The following NOX4 variants were observed in gnomAD, a reference collection of about 807,000 sequenced individuals.
NOX4 encodes the protein kidney oxidase-1.
A neutral mutation model predicts 87.6 loss-of-function variants in NOX4; 69 were observed. That is an observed-to-expected ratio of 0.79 (90% CI 0.65 to 0.96). NOX4 has a LOEUF of 0.96. NOX4 is among the 40% of genes least tolerant of loss of function. The probability of loss-of-function intolerance (pLI) is 0.00; values close to 1 mark genes in which losing one functional copy is unlikely to be tolerated. For synonymous variants in NOX4, 275 were observed against 238.2 expected (o/e 1.15, Z -1.42); for missense variants, 680 against 681.5 (o/e 1.00, Z 0.02).
At chr11:89,482,774 A>G (rs918618896) in intron 2 of NOX4, among the ~76,000 whole-genome samples, 3 of 152,138 alleles carry the variant, frequency 2.0e-5, no homozygotes, top group Non-Finnish European at 4.4e-5. Context: ...TAACAGATAC[A>G]AAAAGCACAC....
intron 8 of NOX4, among the ~76,000 whole-genome samples, chr11:89,418,909 T>C (rs1357640571): frequency 1.3e-5 from 2 of 151,996 alleles, no homozygotes; most frequent in African/African-American, 2.4e-5. Flanking sequence ...ACTGTAAAAG[T>C]CTGCTTAGGT....
At chr11:89,543,225 T>C in the NOX4 span, among the ~76,000 whole-genome samples, 4 of 152,040 alleles carry the variant, frequency 2.6e-5, no homozygotes, top group African/African-American at 9.7e-5. Context: ...AAAGAAAAAA[T>C]AAATAAGCAA....
At chr11:89,583,683 A>G in the NOX4 span, among the ~76,000 whole-genome samples, 1 of 152,064 alleles carries the variant, frequency 6.6e-6, no homozygotes, top group African/African-American at 2.4e-5. Context: ...AATGGGAAAA[A>G]CTTCTGTCAT....
Position 89,376,145 on chromosome 11 carries a change from G to A in NOX4, c.1075-2653C>T, listed in dbSNP as rs190144463. The stretch of plus-strand genomic sequence containing the variant: ...TTCGAATGCTAATCTGGTTTTGAAC[G>A]GATAAAACAAAATATTGTTTCTCTC... On this transcript the variant is annotated intron_variant, in intron 11 of 17. Coordinates refer to ENST00000263317, the MANE Select transcript of NOX4 (RefSeq NM_016931.5). Among the ~76,000 whole-genome samples the A allele has an allele frequency of 4.1e-3, 620 of 152,170 alleles. 1 individual carries two copies. Among genetic ancestry groups the A allele is most frequent in the African/African-American group, 0.013 (529 of 41,500 alleles).
the NOX4 span, among the ~76,000 whole-genome samples, chr11:89,530,945 TATTG>T: frequency 6.6e-6 from 1 of 152,160 alleles, no homozygotes; most frequent in African/African-American, 2.4e-5. Flanking sequence ...CCTCCTGAGT[TATTG>T]ATTATTTCTA....
chr11:89,336,614 G>A (rs1342820522), intron 16 of NOX4, among the ~76,000 whole-genome samples: 1 of 151,928 alleles, frequency 6.6e-6, no homozygotes, highest in Non-Finnish European at 1.5e-5. Flanking sequence ...TGCGGAGAAA[G>A]GAGGAAGTAT....
the NOX4 span, among the ~76,000 whole-genome samples, chr11:89,526,061 T>A: frequency 2.6e-5 from 4 of 152,172 alleles, no homozygotes; most frequent in African/African-American, 9.6e-5. Context: ...TTCCCATGAA[T>A]CTTTATGTCA....
At chr11:89,543,826 A>G in the NOX4 span, among the ~76,000 whole-genome samples, 1 of 152,120 alleles carries the variant, frequency 6.6e-6, no homozygotes, top group Non-Finnish European at 1.5e-5. Context: ...TGGAAAGTAA[A>G]TAGATATTGT....
intron 2 of NOX4, among the ~76,000 whole-genome samples, chr11:89,456,199 A>G (rs1945190895): frequency 6.6e-6 from 1 of 152,170 alleles, no homozygotes; most frequent in Non-Finnish European, 1.5e-5. Flanking sequence ...TACAATTACT[A>G]TAATAATTAA....
chr11:89,339,183 A>G (rs1945862288), intron 15 of NOX4, among the ~76,000 whole-genome samples: 1 of 152,302 alleles, frequency 6.6e-6, no homozygotes, highest in African/African-American at 2.4e-5. Context: ...AGTATCTAAC[A>G]TTAGAGAATT....
chr11:89,563,363 G>A, the NOX4 span, among the ~76,000 whole-genome samples: 1 of 152,090 alleles, frequency 6.6e-6, no homozygotes. Context: ...TTTGCAGGTG[G>A]TAGGGAGATG....
At chr11:89,522,374 G>GCT in the NOX4 span, among the ~76,000 whole-genome samples, 1 of 152,114 alleles carries the variant, frequency 6.6e-6, no homozygotes, top group Non-Finnish European at 1.5e-5. Flanking sequence ...GAATGCAGCT[G>GCT]GAGGCCATTA....
At chr11:89,560,343 G>A in the NOX4 span, among the ~76,000 whole-genome samples, 1 of 152,208 alleles carries the variant, frequency 6.6e-6, no homozygotes, top group Non-Finnish European at 1.5e-5. Flanking sequence ...TTGGGCCTTT[G>A]ATTCTGGCAC....
intron 7 of NOX4, among the ~76,000 whole-genome samples, chr11:89,425,400 T>C (rs1175675619): frequency 8.9e-5 from 13 of 145,530 alleles, no homozygotes; most frequent in South Asian, 2.1e-4. Context: ...TGTTTCAAAA[T>C]TGAAATACCA....
chr11:89,537,262 CA>C, the NOX4 span, among the ~76,000 whole-genome samples: 3 of 152,072 alleles, frequency 2.0e-5, no homozygotes, highest in Non-Finnish European at 2.9e-5. Flanking sequence ...GTTAAGCAAA[CA>C]TTATGACCTA....
At chr11:89,489,716 A>G (rs1213843394) in intron 2 of NOX4, among the ~76,000 whole-genome samples, 3 of 141,126 alleles carry the variant, frequency 2.1e-5, no homozygotes, top group African/African-American at 7.7e-5. Flanking sequence ...CATCGCAGCA[A>G]GACTCTGTCT....
At chr11:89,387,905 C>T (rs80035638) in intron 11 of NOX4, among the ~76,000 whole-genome samples, 3,247 of 152,206 alleles carry the variant, frequency 0.021, 67 homozygotes, top group East Asian at 0.094. Flanking sequence ...ACATCCATTA[C>T]ATACTTGAAG....
chr11:89,362,747 A>C (rs1938628715), intron 12 of NOX4, among the ~76,000 whole-genome samples: 1 of 151,940 alleles, frequency 6.6e-6, no homozygotes, highest in Non-Finnish European at 1.5e-5. Context: ...CATATTATAG[A>C]TCTTGGAGTA....
At chr11:89,582,060 C>T in the NOX4 span, among the ~76,000 whole-genome samples, 6 of 152,190 alleles carry the variant, frequency 3.9e-5, no homozygotes, top group East Asian at 9.7e-4. Context: ...AGCTGCTATT[C>T]TAGTCTCTTG....
Sources: gnomAD v4.1 joint callset for allele counts (sites outside exome capture counted in the v4.1 genomes callset) on GRCh38, gnomAD v4.1.1 for gene constraint, MANE v1.5 for transcripts, NCBI Gene and HGNC (gene_info 2026-07-23, HGNC 2026-07-21) for gene names.